The following TM4SF4 variants were observed in gnomAD, a reference collection of about 807,000 sequenced individuals.
The protein encoded by TM4SF4 is transmembrane 4 L six family member 4.
TM4SF4 carries 24 observed loss-of-function variants against 24.1 expected under a neutral mutation model. The ratio of observed to expected loss-of-function variants is 1.00; its 90% CI spans 0.72 to 1.40. The LOEUF (loss-of-function observed/expected upper bound fraction) is 1.40. Among genes scored for constraint, TM4SF4 ranks in the 40% most tolerant of loss-of-function variants. The pLI is 0.00. For missense variants in TM4SF4, 254 were observed against 254.2 expected (o/e 1.00, Z 0.01); for synonymous variants, 113 against 97.0 (o/e 1.17, Z -0.97).
intron 2 of TM4SF4, among the ~76,000 whole-genome samples, chr3:149,485,409 T>C (rs568353216): frequency 6.6e-6 from 1 of 152,350 alleles, no homozygotes; most frequent in Non-Finnish European, 1.5e-5. Context: ...AGAGTGGATT[T>C]AGATACCCTA....
chr3:149,498,642 A>C (rs1734358119), intron 3 of TM4SF4, 80 bp from the exon 4 acceptor site: 2 of 1,320,934 alleles, frequency 1.5e-6, no homozygotes, highest in Non-Finnish European at 2.1e-6. Context: ...TGCATGAGAA[A>C]CATTGTTATG....
At chr3:149,496,764 G>A (rs975630198) in intron 3 of TM4SF4, among the ~76,000 whole-genome samples, 11 of 151,700 alleles carry the variant, frequency 7.3e-5, no homozygotes, top group South Asian at 2.1e-4. Context: ...GCGAAACTCC[G>A]TCTCAAAAAA....
chr3:149,475,694 CT>C, intron 1 of TM4SF4, 128 bp from the exon 2 acceptor site: 1 of 732,120 alleles, frequency 1.4e-6, no homozygotes, highest in East Asian at 2.7e-5. Flanking sequence ...CAGCCATGCT[CT>C]GTTACTTTGC....
intron 2 of TM4SF4, among the ~76,000 whole-genome samples, chr3:149,484,118 T>C (rs1458775316): frequency 6.6e-6 from 1 of 152,186 alleles, no homozygotes; most frequent in Non-Finnish European, 1.5e-5. Context: ...ATGTTTCTTT[T>C]AATCAATGTC....
At chr3:149,499,824 G>A (rs888012622) in intron 4 of TM4SF4, among the ~76,000 whole-genome samples, 16 of 151,402 alleles carry the variant, frequency 1.1e-4, no homozygotes, top group African/African-American at 2.7e-4. Flanking sequence ...GCAGTGAGCC[G>A]AGATCTCACC....
chr3:149,499,948 A>G (rs1373215413), intron 4 of TM4SF4, among the ~76,000 whole-genome samples: 1 of 152,216 alleles, frequency 6.6e-6, no homozygotes, highest in East Asian at 1.9e-4. Flanking sequence ...AAATATGTAC[A>G]TGTATACACA....
At chr3:149,475,072 T>TC (rs1462586293) in intron 1 of TM4SF4, 21 bp downstream of exon 1, 47 of 1,603,918 alleles carry the variant, frequency 2.9e-5, no homozygotes, top group Non-Finnish European at 3.9e-5. Context: ...AAGCTTAAAA[T>TC]CCCCCTAAGG....
At chr3:149,495,633 G>T (rs766371537) in intron 3 of TM4SF4, 6 of 335,126 alleles carry the variant, frequency 1.8e-5, no homozygotes, top group Admixed American at 3.3e-5. Flanking sequence ...AATGGGAGCA[G>T]CTGGCTTCAC....
intron 3 of TM4SF4, chr3:149,495,560 G>C (rs747568502): frequency 5.9e-5 from 22 of 373,222 alleles, no homozygotes; most frequent in Non-Finnish European, 1.1e-4. Flanking sequence ...TCAGTGTTAA[G>C]AACGCATCTG....
At chr3:149,484,233 T>C (rs1187092992) in intron 2 of TM4SF4, among the ~76,000 whole-genome samples, 2 of 152,236 alleles carry the variant, frequency 1.3e-5, no homozygotes, top group Non-Finnish European at 1.5e-5. Context: ...ATGCATGATG[T>C]TGTCAGGGAA....
At chr3:149,491,500 AAT>A (rs1553783044) in intron 3 of TM4SF4, among the ~76,000 whole-genome samples, 1 of 150,900 alleles carries the variant, frequency 6.6e-6, no homozygotes, top group African/African-American at 2.4e-5. Flanking sequence ...ACAAAACAAA[AAT>A]ATATATATAT....
At chr3:149,498,972 A>G in intron 4 of TM4SF4, 61 bp downstream of exon 4, 1 of 1,573,196 alleles carries the variant, frequency 6.4e-7, no homozygotes, top group Non-Finnish European at 8.7e-7. Flanking sequence ...GGCCACTAGC[A>G]TAAGGGAGGC....
At chr3:149,493,118 A>T (rs1047106650) in intron 3 of TM4SF4, among the ~76,000 whole-genome samples, 1 of 152,218 alleles carries the variant, frequency 6.6e-6, no homozygotes, top group South Asian at 2.1e-4. Context: ...TGCTTGATTC[A>T]GCCTTATTAT....
chr3:149,484,550 A>AT (rs890892392), intron 2 of TM4SF4, among the ~76,000 whole-genome samples: 12,972 of 122,210 alleles, frequency 0.11, 1,077 homozygotes, highest in East Asian at 0.44. Context: ...CACCCCGCTA[A>AT]TTTTTTTTTT....
chr3:149,476,358 G>A (rs534010906), intron 2 of TM4SF4, among the ~76,000 whole-genome samples: 2 of 152,198 alleles, frequency 1.3e-5, no homozygotes, highest in East Asian at 1.9e-4. Flanking sequence ...AGGCTTCTAG[G>A]TTCCTCACTC....
chr3:149,488,384 G>T (rs1231591392), intron 3 of TM4SF4, among the ~76,000 whole-genome samples: 1 of 152,170 alleles, frequency 6.6e-6, no homozygotes, highest in Non-Finnish European at 1.5e-5. Context: ...TGCCAAGGCA[G>T]GCTTAATAAG....
At chr3:149,498,688 C>A (rs761067842) in intron 3 of TM4SF4, 34 bp from the exon 4 acceptor site, 1 of 1,601,464 alleles carries the variant, frequency 6.2e-7, no homozygotes, top group South Asian at 1.1e-5. Context: ...ACACTTTTTA[C>A]AAATGTTTCC....
At chr3:149,481,180 G>A (rs1451318717) in intron 2 of TM4SF4, among the ~76,000 whole-genome samples, 2 of 152,114 alleles carry the variant, frequency 1.3e-5, no homozygotes, top group Non-Finnish European at 2.9e-5. Flanking sequence ...TATTTTCTAT[G>A]CTTCAAAATC....
intron 3 of TM4SF4, among the ~76,000 whole-genome samples, chr3:149,497,660 T>C (rs1314691326): frequency 2.0e-5 from 3 of 152,084 alleles, no homozygotes; most frequent in Non-Finnish European, 2.9e-5. Context: ...TTTTTATTTT[T>C]TGAGATGGAG....
Sources: gnomAD v4.1 joint callset for allele counts (sites outside exome capture counted in the v4.1 genomes callset) on GRCh38, gnomAD v4.1.1 for gene constraint, MANE v1.5 for transcripts, NCBI Gene and HGNC (gene_info 2026-07-23, HGNC 2026-07-21) for gene names.